Variants in ANK3 observed in about 807,000 individuals in gnomAD.
The protein encoded by ANK3 is ankyrin 3.
Under a neutral mutation model 370.9 loss-of-function variants are expected in ANK3, and 57 were observed. That is an observed-to-expected ratio of 0.15 (90% CI 0.12 to 0.19). ANK3 has a LOEUF of 0.19. Among genes scored for constraint, ANK3 ranks in the 10% least tolerant of loss-of-function variants. ANK3 has a pLI of 1.00. For synonymous variants in ANK3, 1,929 were observed against 1,946.3 expected (o/e 0.99, Z 0.23); for missense variants, 4,439 against 5,302.1 (o/e 0.84, Z 5.06).
intron 1 of ANK3, among the ~76,000 whole-genome samples, chr10:60,724,311 T>C (rs2079911835): frequency 6.6e-6 from 1 of 151,514 alleles, no homozygotes; most frequent in South Asian, 2.1e-4. Context: ...TCCAGAACTG[T>C]ACCTAGTAAA....
intron 25 of ANK3, among the ~76,000 whole-genome samples, chr10:60,125,036 T>G (rs903281264): frequency 9.9e-5 from 15 of 152,156 alleles, no homozygotes; most frequent in Admixed American, 2.0e-4. Flanking sequence ...GTAGTAGGTT[T>G]AAACATCCAG....
At chr10:60,456,083 AG>A (rs1432960844) in intron 2 of ANK3, among the ~76,000 whole-genome samples, 2 of 152,224 alleles carry the variant, frequency 1.3e-5, no homozygotes, top group African/African-American at 4.8e-5. Context: ...CAGAATTTGG[AG>A]GTCCACCTAT....
intron 1 of ANK3, among the ~76,000 whole-genome samples, chr10:60,370,260 A>C (rs2059929670): frequency 6.6e-6 from 1 of 152,164 alleles, no homozygotes; most frequent in African/African-American, 2.4e-5. Context: ...AACTATTCTC[A>C]TGTAAAATTG....
At position 60,069,207 on chromosome 10, in the gene ANK3, C is replaced by A. The variant is rs2082224421; in HGVS notation, c.11674G>T (p.Val3892Phe). The change falls in exon 37 of 44, where the codon GTT (valine) becomes TTT (phenylalanine). Residue 3892 changes from valine to phenylalanine, a missense_variant. Val to Phe is a conservative substitution (Grantham distance 50). Transcript: ENST00000280772. ...SNTKASKMKQ[V>F]SQSEKTKALT... ...GCTTTGGTTTTCTCGGATTGACTAA[C>A]CTGCTTCATTTTACTTGCTTTAGTG... 6.2e-7 allele frequency: 1 copy of A among 1,614,020 alleles called. No homozygotes were observed.
intron 2 of ANK3, among the ~76,000 whole-genome samples, chr10:60,509,719 G>T (rs2076032290): frequency 6.6e-6 from 1 of 152,094 alleles, no homozygotes; most frequent in Non-Finnish European, 1.5e-5. Context: ...TATTCCCTTA[G>T]AACAAACTAT....
At chr10:60,304,873 G>A (rs1366695417) in intron 1 of ANK3, among the ~76,000 whole-genome samples, 8 of 152,104 alleles carry the variant, frequency 5.3e-5, no homozygotes, top group African/African-American at 1.7e-4. Flanking sequence ...GCACAGGGTA[G>A]GCACTTAGTA....
At chr10:60,538,436 T>C (rs2076771724) in intron 2 of ANK3, among the ~76,000 whole-genome samples, 1 of 151,882 alleles carries the variant, frequency 6.6e-6, no homozygotes, top group South Asian at 2.1e-4. Context: ...CAACTCTTAT[T>C]AATTCTCTCT....
rs2078773693 is a variant in ANK3, at chr10:60,650,511, T to A, written c.58-35287A>T. ...AGTCAAAATAAACATAAGAAAAAAT[T>A]TGCTCCCTACATGAAGTACAATAGA... On this transcript the variant is annotated intron_variant, in intron 1 of 43. Transcript: ENST00000373827. 2.0e-5 allele frequency among the ~76,000 whole-genome samples: 3 copies of A among 152,114 alleles called. 1 individual carries two copies. The South Asian group carries it at 6.2e-4, about 31-fold the overall frequency.
At chr10:60,501,849 T>C (rs1416759505) in intron 2 of ANK3, among the ~76,000 whole-genome samples, 3 of 151,952 alleles carry the variant, frequency 2.0e-5, no homozygotes, top group Non-Finnish European at 4.4e-5. Context: ...TAGCCAGGCT[T>C]GGTGGTGCAA....
At chr10:60,185,925 A>G (rs1288080926) in intron 17 of ANK3, among the ~76,000 whole-genome samples, 1 of 152,236 alleles carries the variant, frequency 6.6e-6, no homozygotes, top group Non-Finnish European at 1.5e-5. Context: ...CAAAGATGAC[A>G]GCATGGGTGT....
chr10:60,127,026 T>C (rs1204928068), intron 25 of ANK3, among the ~76,000 whole-genome samples: 3 of 152,206 alleles, frequency 2.0e-5, no homozygotes, highest in Non-Finnish European at 4.4e-5. Flanking sequence ...ATCTGTATGG[T>C]GCTAACTTCA....
At chr10:60,404,288 A>C (rs905986641) in intron 2 of ANK3, among the ~76,000 whole-genome samples, 5 of 152,188 alleles carry the variant, frequency 3.3e-5, no homozygotes, top group Non-Finnish European at 7.4e-5. Context: ...TATCCAAAAC[A>C]ATCTTGAAAA....
intron 42 of ANK3, among the ~76,000 whole-genome samples, chr10:60,054,294 T>C (rs10994171): frequency 0.41 from 62,311 of 152,014 alleles, 14,093 homozygotes; most frequent in East Asian, 0.66. Context: ...CACTTAAATA[T>C]ACTAAAAGTC....
At chr10:60,494,362 A>T (rs2075600349) in intron 2 of ANK3, among the ~76,000 whole-genome samples, 1 of 152,220 alleles carries the variant, frequency 6.6e-6, no homozygotes, top group Admixed American at 6.5e-5. Flanking sequence ...TAAGAGATAC[A>T]TTATCTGACC....
chr10:60,523,736 T>C (rs919422995), intron 2 of ANK3, among the ~76,000 whole-genome samples: 2 of 152,128 alleles, frequency 1.3e-5, no homozygotes, highest in Admixed American at 6.6e-5. Context: ...GCATGATTTA[T>C]AGTCCTTTGG....
intron 2 of ANK3, among the ~76,000 whole-genome samples, chr10:60,485,332 C>G (rs1426476960): frequency 6.6e-6 from 1 of 152,162 alleles, no homozygotes; most frequent in Non-Finnish European, 1.5e-5. Context: ...TCGGCAAGTC[C>G]TACTGATGGA....
At chr10:60,587,771 A>C (rs1395299420) in intron 2 of ANK3, among the ~76,000 whole-genome samples, 2 of 152,202 alleles carry the variant, frequency 1.3e-5, no homozygotes, top group East Asian at 3.8e-4. Context: ...ATAAGGAAAA[A>C]ATCAAATATT....
intron 43 of ANK3, among the ~76,000 whole-genome samples, chr10:60,034,432 T>C (rs545561180): frequency 2.0e-5 from 3 of 152,320 alleles, no homozygotes; most frequent in Admixed American, 2.0e-4. Context: ...TAACAGACTT[T>C]TAGGCATGCT....
intron 1 of ANK3, among the ~76,000 whole-genome samples, chr10:60,384,849 C>A (rs1243836230): frequency 6.6e-6 from 1 of 152,182 alleles, no homozygotes; most frequent in Non-Finnish European, 1.5e-5. Flanking sequence ...TCCGATCTCT[C>A]TCTCACATCC....
Sources: gnomAD v4.1 joint callset for allele counts (sites outside exome capture counted in the v4.1 genomes callset) on GRCh38, gnomAD v4.1.1 for gene constraint, MANE v1.5 for transcripts, NCBI Gene and HGNC (gene_info 2026-07-23, HGNC 2026-07-21) for gene names.